The following SAFB variants were observed in gnomAD, a reference collection of about 807,000 sequenced individuals.
SAFB encodes scaffold attachment factor B1.
SAFB carries 15 observed loss-of-function variants against 101.6 expected under a neutral mutation model. That is an observed-to-expected ratio of 0.15 (90% CI 0.10 to 0.23). The LOEUF is 0.23. Ranked by LOEUF, SAFB falls within the 10% of genes least tolerant of loss-of-function variation. The pLI is 1.00. For synonymous variants in SAFB, 449 were observed against 407.5 expected (o/e 1.10, Z -1.23); for missense variants, 930 against 1,104.1 (o/e 0.84, Z 2.23).
chr19:5,625,940 G>A (rs186092419), intron 1 of SAFB, among the ~76,000 whole-genome samples: 14 of 152,318 alleles, frequency 9.2e-5, no homozygotes, highest in Admixed American at 6.5e-4. Flanking sequence ...TACAGGCACG[G>A]CGTGGAGGGA....
chr19:5,642,651 CTTT>C (rs767488519), intron 4 of SAFB, among the ~76,000 whole-genome samples: 4,979 of 70,266 alleles, frequency 0.071, 24 homozygotes, highest in South Asian at 0.12. Flanking sequence ...CCCTTCCTTT[CTTT>C]TTTTTTTTTT....
intron 14 of SAFB, among the ~76,000 whole-genome samples, chr19:5,658,836 C>G: frequency 7.0e-6 from 1 of 143,356 alleles, no homozygotes; most frequent in East Asian, 2.1e-4. Flanking sequence ...GAGCAAGACT[C>G]CATCTCAAAA....
intron 4 of SAFB, among the ~76,000 whole-genome samples, chr19:5,643,283 A>C (rs1478713535): frequency 6.6e-6 from 1 of 151,936 alleles, no homozygotes; most frequent in African/African-American, 2.4e-5. Context: ...CCTGGTCCTT[A>C]GGTCTTCCGC....
intron 14 of SAFB, among the ~76,000 whole-genome samples, chr19:5,659,801 C>A (rs1363194892): frequency 6.6e-6 from 1 of 152,164 alleles, no homozygotes; most frequent in Non-Finnish European, 1.5e-5. Context: ...GGGGCCCCCA[C>A]AGGAGCCTGC....
intron 14 of SAFB, among the ~76,000 whole-genome samples, chr19:5,661,028 C>T (rs1260453221): frequency 7.2e-6 from 1 of 138,184 alleles, no homozygotes. Context: ...AGTGATTTTC[C>T]TGCCTCAGCC....
intron 2 of SAFB, among the ~76,000 whole-genome samples, chr19:5,634,649 A>G (rs1484994191): frequency 6.6e-6 from 1 of 152,136 alleles, no homozygotes; most frequent in Non-Finnish European, 1.5e-5. Context: ...ATATCCAGAA[A>G]GCATTGAATG....
intron 16 of SAFB, 80 bp from the exon 17 acceptor site, chr19:5,664,317 T>C: frequency 6.8e-7 from 1 of 1,466,900 alleles, no homozygotes; most frequent in East Asian, 2.3e-5. Flanking sequence ...AATTATGCTT[T>C]TCATTGGGGG....
chr19:5,657,434 G>T, intron 14 of SAFB, 87 bp downstream of exon 14: 1 of 877,344 alleles, frequency 1.1e-6, no homozygotes. Flanking sequence ...GAGTTCCCTG[G>T]GGTGGGATAG....
intron 2 of SAFB, among the ~76,000 whole-genome samples, chr19:5,639,565 C>T (rs933047402): frequency 9.9e-5 from 15 of 151,012 alleles, no homozygotes; most frequent in African/African-American, 3.4e-4. Context: ...TAGTGGCAGG[C>T]GCCTGTAATC....
chr19:5,650,926 C>A, intron 8 of SAFB, 52 bp from the exon 9 acceptor site: 3 of 1,152,450 alleles, frequency 2.6e-6, no homozygotes, highest in Non-Finnish European at 3.8e-6. Context: ...GTCTCTAAGA[C>A]TCAAGATCTT....
chr19:5,649,462 G>A lies in SAFB; in HGVS notation c.1111G>A (p.Glu371Lys). ...ACNEVPPAPKESSTSEGADQK... is the reference protein window; with the variant it reads ...ACNEVPPAPKKSSTSEGADQK... ...TAATGAAGTCCCTCCGGCTCCTAAA[G>A]AGTCCTCAACCAGTGAGGGCGCTGA... The change falls in exon 7 of 21, where the codon GAG becomes AAG. Residue 371 changes from glutamate (E) to lysine (K), a missense_variant. Glu to Lys is a moderately conservative substitution (Grantham distance 56). Coordinates refer to ENST00000588852, the MANE Select transcript of SAFB (RefSeq NM_001201338.2). The A allele has an allele frequency of 4.0e-6, 2 of 501,816 alleles. No individual in the cohort carries two copies. Among genetic ancestry groups the A allele is most frequent in the Non-Finnish European group, 6.7e-6 (2 of 299,604 alleles). 31.1% of individuals were successfully genotyped at this position (501,816 alleles called of 1,614,324 possible).
intron 9 of SAFB, among the ~76,000 whole-genome samples, chr19:5,652,053 C>T (rs1002542319): frequency 6.6e-6 from 1 of 152,028 alleles, no homozygotes. Flanking sequence ...ATTAGCCGGG[C>T]GTGGTGGCGC....
At chr19:5,623,451 G>A in intron 1 of SAFB, 57 bp downstream of exon 1, 2 of 1,477,916 alleles carry the variant, frequency 1.4e-6, no homozygotes, top group Non-Finnish European at 1.8e-6. Flanking sequence ...TCTTGGCCGC[G>A]ACGGTGGCTC....
chr19:5,666,876 T>C, intron 17 of SAFB, 170 bp from the exon 18 acceptor site: 1 of 712,802 alleles, frequency 1.4e-6, no homozygotes, highest in Non-Finnish European at 2.6e-6. Flanking sequence ...ACAGGGCCTC[T>C]GGCCTGCAGA....
chr19:5,629,776 G>C (rs574591927), intron 2 of SAFB, among the ~76,000 whole-genome samples: 1 of 152,146 alleles, frequency 6.6e-6, no homozygotes, highest in Non-Finnish European at 1.5e-5. Flanking sequence ...TAGCTGTCCC[G>C]GCCAAGTTCA....
chr19:5,645,461 C>T (rs2053808127), intron 5 of SAFB, 62 bp downstream of exon 5: 2 of 790,032 alleles, frequency 2.5e-6, no homozygotes, highest in Admixed American at 2.0e-5. Flanking sequence ...TTCTGGAATC[C>T]ATTTCAGACA....
At chr19:5,646,135 A>C (rs1366092369) in intron 5 of SAFB, among the ~76,000 whole-genome samples, 2 of 152,126 alleles carry the variant, frequency 1.3e-5, no homozygotes, top group Non-Finnish European at 2.9e-5. Flanking sequence ...CTTTTTGTGG[A>C]GAAATGAAGA....
Position 5,668,404 on chromosome 19 carries a change from T to C in SAFB, c.*113T>C. 4 of 1,192,714 alleles carry C rather than the reference T, an allele frequency of 3.4e-6. No homozygotes were observed. The highest frequency in any genetic ancestry group is 4.6e-6 in the Non-Finnish European group (4 of 876,980). 73.9% of individuals were successfully genotyped at this position (1,192,714 alleles called of 1,614,324 possible). ...AATCTGCTGCCATATTGTAGCTCAA[T>C]ACAATGTGAATTTGTTTTTCGTTTT... On this transcript the variant is annotated 3_prime_UTR_variant, in exon 21 of 21. Transcript: ENST00000588852.
At chr19:5,641,163 TC>T (rs1470372898) in intron 2 of SAFB, among the ~76,000 whole-genome samples, 1 of 152,190 alleles carries the variant, frequency 6.6e-6, no homozygotes, top group African/African-American at 2.4e-5. Context: ...AGCCATCGCA[TC>T]CGGCCCTTCT....
Sources: gnomAD v4.1 joint callset for allele counts (sites outside exome capture counted in the v4.1 genomes callset) on GRCh38, gnomAD v4.1.1 for gene constraint, MANE v1.5 for transcripts, NCBI Gene and HGNC (gene_info 2026-07-23, HGNC 2026-07-21) for gene names.